GABRG3: variants seen among roughly 807,000 people sequenced by gnomAD.
GABRG3 encodes gamma-aminobutyric acid type A receptor subunit gamma3.
A neutral mutation model predicts 48.8 loss-of-function variants in GABRG3; 25 were observed. The ratio of observed to expected loss-of-function variants is 0.51; its 90% confidence interval spans 0.37 to 0.72. The LOEUF (loss-of-function observed/expected upper bound fraction) is 0.72, where lower values mean the gene tolerates loss of function less well. GABRG3 is among the 30% of genes least tolerant of loss of function. The pLI, the probability that GABRG3 is intolerant of heterozygous loss-of-function variation, is 0.00. For missense variants in GABRG3, 394 were observed against 577.9 expected, an observed-to-expected ratio of 0.68 and a Z score of 3.26; for synonymous variants, 227 against 217.6, an observed-to-expected ratio of 1.04 and a Z score of -0.38.
At chr15:27,007,363 C>T (rs773442146) in intron 2 of GABRG3, among the ~76,000 whole-genome samples, 4 of 152,250 alleles carry the variant, frequency 2.6e-5, no homozygotes, top group Middle Eastern at 3.4e-3. Context: ...TAGGTGTGAA[C>T]CACTGTGCCT....
chr15:27,458,833 C>T (rs753856120), intron 5 of GABRG3, among the ~76,000 whole-genome samples: 8 of 152,252 alleles, frequency 5.3e-5, no homozygotes, highest in Admixed American at 1.3e-4. Flanking sequence ...TCTGCCCAGT[C>T]TTCTAGATGA....
chr15:27,089,121 G>A (rs1272304674), intron 3 of GABRG3, among the ~76,000 whole-genome samples: 1 of 152,168 alleles, frequency 6.6e-6, no homozygotes, highest in Non-Finnish European at 1.5e-5. Flanking sequence ...GGGCCATAGG[G>A]CAGGAAGGAC....
chr15:27,380,994 T>C (rs1895756532), intron 5 of GABRG3, among the ~76,000 whole-genome samples: 1 of 152,106 alleles, frequency 6.6e-6, no homozygotes, highest in Non-Finnish European at 1.5e-5. Context: ...CTCAATCTCC[T>C]GACCTCGTGA....
At chr15:27,154,883 T>C (rs1229191492) in intron 3 of GABRG3, among the ~76,000 whole-genome samples, 1 of 152,172 alleles carries the variant, frequency 6.6e-6, no homozygotes, top group Non-Finnish European at 1.5e-5. Context: ...TTATCTATTT[T>C]CTGGAAGAGA....
At position 27,035,115 on chromosome 15, in the gene GABRG3, C is replaced by T. The variant is rs73367755; in HGVS notation, c.270+8294C>T. On this transcript the variant is annotated intron_variant, in intron 3 of 9. Coordinates refer to ENST00000615808, the MANE Select transcript of GABRG3 (RefSeq NM_033223.5). ...GACCACCACGCACATGTCTCCATCC[C>T]TGGAAGAAGAAGAGAACCCAGGTGG... Among the ~76,000 whole-genome samples the T allele has an allele frequency of 8.2e-3, 1,243 of 152,314 alleles. 21 individuals carry two copies. Among genetic ancestry groups the T allele is most frequent in the African/African-American group, 0.029 (1,186 of 41,570 alleles).
intron 3 of GABRG3, among the ~76,000 whole-genome samples, chr15:27,271,953 C>A (rs1322005089): frequency 2.6e-5 from 4 of 152,140 alleles, no homozygotes; most frequent in Non-Finnish European, 2.9e-5. Context: ...ACCAGTTTCC[C>A]CAGAGGTGAC....
At chr15:27,199,177 G>C (rs1888602346) in intron 3 of GABRG3, among the ~76,000 whole-genome samples, 1 of 152,090 alleles carries the variant, frequency 6.6e-6, no homozygotes. Flanking sequence ...TAGAGCCAAA[G>C]GTTACTGGAA....
intron 5 of GABRG3, among the ~76,000 whole-genome samples, chr15:27,351,448 G>A (rs1894585823): frequency 6.9e-6 from 1 of 145,226 alleles, no homozygotes. Flanking sequence ...GTGTGTATAT[G>A]GTGTGTGTGT....
At position 27,541,897 on chromosome 15, in the gene GABRG3, G is replaced by C. The variant is rs1371482722; in HGVS notation, c.*9016G>C. Reference sequence around the variant, plus strand: ...CCCGTCCCCGCCGTGCCCTCAGCTGGGCCTCGTGGCTGGGCCGCCCTCTGT... The same window carrying C: ...CCCGTCCCCGCCGTGCCCTCAGCTGCGCCTCGTGGCTGGGCCGCCCTCTGT... On this transcript the variant is annotated 3_prime_UTR_variant, in exon 10 of 10. Transcript: ENST00000615808. 2 of 152,264 alleles carry C rather than the reference G, an allele frequency of 1.3e-5. No homozygotes were observed. The highest frequency in any genetic ancestry group is 2.4e-5 in the African/African-American group (1 of 41,462). 9.4% of individuals were successfully genotyped at this position (152,264 alleles called of 1,614,324 possible).
chr15:27,400,644 T>C (rs1456164244), intron 5 of GABRG3, among the ~76,000 whole-genome samples: 1 of 152,218 alleles, frequency 6.6e-6, no homozygotes, highest in Non-Finnish European at 1.5e-5. Flanking sequence ...ACCCCATTAT[T>C]CCTCACCACT....
rs535295684 is a variant in GABRG3 at position 27,348,155 on chromosome 15, C to CAAAAAAAA, written c.574+19270_574+19271insAAAAAAAA. On this transcript the variant is annotated intron_variant, in intron 5 of 9. Coordinates refer to ENST00000615808, the MANE Select transcript of GABRG3 (RefSeq NM_033223.5). ...TGGGTGACAGAGCGAGACTCCATCT[C>CAAAAAAAA]AAATAAATAAAGAGTTGGAGATTTT... Among the ~76,000 whole-genome samples the CAAAAAAAA allele has an allele frequency of 5.6e-3, 577 of 102,578 alleles. 39 individuals are homozygous for CAAAAAAAA. Among genetic ancestry groups the CAAAAAAAA allele is most frequent in the Middle Eastern group, 0.017 (3 of 172 alleles). The allele number at this position is 102,578 out of a possible 152,430, so 67.3% of individuals were successfully genotyped here.
intron 3 of GABRG3, among the ~76,000 whole-genome samples, chr15:27,095,739 T>C (rs989063803): frequency 1.3e-5 from 2 of 152,100 alleles, no homozygotes; most frequent in Non-Finnish European, 2.9e-5. Context: ...GCTGGGACTT[T>C]AGTGTCCTCC....
At chr15:27,273,770 A>G (rs1891164320) in intron 3 of GABRG3, among the ~76,000 whole-genome samples, 1 of 152,216 alleles carries the variant, frequency 6.6e-6, no homozygotes, top group South Asian at 2.1e-4. Flanking sequence ...TTTCCCGAGT[A>G]TAATCCTAAT....
intron 5 of GABRG3, among the ~76,000 whole-genome samples, chr15:27,439,373 C>CTAAA (rs1333636824): frequency 6.6e-6 from 1 of 152,134 alleles, no homozygotes; most frequent in Non-Finnish European, 1.5e-5. Context: ...TTACATTGGG[C>CTAAA]TAAAGCATGT....
intron 3 of GABRG3, among the ~76,000 whole-genome samples, chr15:27,048,617 G>T (rs1285191283): frequency 6.6e-6 from 1 of 152,162 alleles, no homozygotes; most frequent in African/African-American, 2.4e-5. Context: ...GGAGCTAATA[G>T]CATCAAATCA....
At chr15:27,150,334 A>T (rs949599148) in intron 3 of GABRG3, among the ~76,000 whole-genome samples, 1 of 152,190 alleles carries the variant, frequency 6.6e-6, no homozygotes, top group Non-Finnish European at 1.5e-5. Flanking sequence ...GTGCTTGTGT[A>T]ATGTTTGAAT....
At chr15:27,451,809 A>G (rs572855621) in intron 5 of GABRG3, among the ~76,000 whole-genome samples, 1 of 152,204 alleles carries the variant, frequency 6.6e-6, no homozygotes, top group Non-Finnish European at 1.5e-5. Context: ...GATATCCAAA[A>G]TATGAAAGGA....
intron 5 of GABRG3, among the ~76,000 whole-genome samples, chr15:27,357,612 G>T (rs1894884183): frequency 6.6e-6 from 1 of 152,286 alleles, no homozygotes; most frequent in East Asian, 1.9e-4. Flanking sequence ...TAAGGACAGT[G>T]ACATTGTTTT....
intron 7 of GABRG3, among the ~76,000 whole-genome samples, chr15:27,524,140 T>C (rs62002619): frequency 0.63 from 95,444 of 151,170 alleles, 31,481 homozygotes; most frequent in African/African-American, 0.84. Flanking sequence ...AGCAAAGAAA[T>C]GTCACCTTGC....
Sources: allele counts gnomAD v4.1 joint callset (sites outside exome capture counted in the v4.1 genomes callset), GRCh38; gene constraint gnomAD v4.1.1; transcripts MANE v1.5; gene names NCBI Gene and HGNC (gene_info 2026-07-23, HGNC 2026-07-21).